TLE1: variants seen among roughly 807,000 people sequenced by gnomAD.
TLE1 encodes the protein TLE family member 1, transcriptional corepressor, also known as transducin-like enhancer protein 1.
TLE1 carries 21 observed loss-of-function variants against 89.8 expected under a neutral mutation model. That is an observed-to-expected ratio of 0.23 (90% confidence interval 0.17 to 0.34). The LOEUF (loss-of-function observed/expected upper bound fraction) is 0.34, where lower values mean the gene tolerates loss of function less well. Among genes scored for constraint, TLE1 ranks in the 10% least tolerant of loss-of-function variants. The pLI is 1.00. For missense variants in TLE1, 795 were observed against 1,031.2 expected, an observed-to-expected ratio of 0.77 and a Z score of 3.14; for synonymous variants, 447 against 407.6, an observed-to-expected ratio of 1.10 and a Z score of -1.16.
At position 81,611,681 on chromosome 9, in the gene TLE1, G is replaced by A. The variant is rs115650017; in HGVS notation, c.1254+88C>T. ...GGCTGGCTGCTCCTGCCCACGCAGC[G>A]CAGAGAGGCCTGGCCCCAAACCTGA... On this transcript the variant is annotated intron_variant, in intron 13 of 19. Transcript: ENST00000376499. The A allele has an allele frequency of 6.4e-4, 820 of 1,285,170 alleles. 3 individuals are homozygous for A. In the African/African-American group the frequency reaches 0.011, roughly 18 times the overall value. 79.6% of individuals were successfully genotyped at this position (1,285,170 alleles called of 1,614,324 possible). A position where few individuals can be genotyped will look rare whatever the true frequency, so the allele number is the denominator to read the frequency against.
At chr9:81,686,361 G>A (rs140452824) in intron 2 of TLE1, among the ~76,000 whole-genome samples, 1 of 152,284 alleles carries the variant, frequency 6.6e-6, no homozygotes, top group African/African-American at 2.4e-5. Context: ...AAAACCTTTG[G>A]TTTTTAAATC....
At chr9:81,587,933 T>C (rs1828819192) in intron 16 of TLE1, 105 bp from the exon 17 acceptor site, 1 of 519,564 alleles carries the variant, frequency 1.9e-6, no homozygotes, top group Non-Finnish European at 2.7e-6. Flanking sequence ...TGTGTGTGTG[T>C]GTGTGTGTGT....
rs1563980745 is a variant in TLE1, at chr9:81,620,437, T to A, written c.711+4A>T. 1 of 1,607,344 alleles carries A rather than the reference T, an allele frequency of 6.2e-7. No individual in the cohort carries two copies. The highest frequency in any genetic ancestry group is 2.2e-5 in the East Asian group (1 of 44,852). On this transcript the variant is annotated splice_donor_region_variant and intron_variant, in intron 9 of 19. Transcript: ENST00000376499. ...ATATTATTTCAAGTCCTTTAATTACTTACATAGTGGCTGGAGTCCTTATCA... is the reference window on the plus strand; with the variant it reads ...ATATTATTTCAAGTCCTTTAATTACATACATAGTGGCTGGAGTCCTTATCA...
At chr9:81,652,106 TAC>T (rs3045544) in intron 6 of TLE1, 106 bp downstream of exon 6, 60,084 of 682,994 alleles carry the variant, frequency 0.088, 18 homozygotes, top group South Asian at 0.1. Flanking sequence ...AACGTTAAGA[TAC>T]ACACACACAC....
At chr9:81,616,841 C>T in intron 9 of TLE1, 142 bp from the exon 10 acceptor site, 2 of 825,726 alleles carry the variant, frequency 2.4e-6, no homozygotes, top group East Asian at 5.2e-5. Flanking sequence ...TATCAGTTTG[C>T]CAGTCCTAGT....
intron 4 of TLE1, among the ~76,000 whole-genome samples, chr9:81,664,842 C>T (rs1290368278): frequency 6.6e-6 from 1 of 152,188 alleles, no homozygotes; most frequent in Admixed American, 6.5e-5. Flanking sequence ...GGCCCACCTG[C>T]GGAGTTCCTG....
chr9:81,592,543 A>G (rs1829693723), intron 15 of TLE1, among the ~76,000 whole-genome samples: 1 of 152,140 alleles, frequency 6.6e-6, no homozygotes, highest in African/African-American at 2.4e-5. Flanking sequence ...CCTTTCCTGA[A>G]GTTAAGGCCA....
chr9:81,610,883 T>G (rs1455482170), intron 13 of TLE1, among the ~76,000 whole-genome samples: 1 of 152,170 alleles, frequency 6.6e-6, no homozygotes, highest in Admixed American at 6.5e-5. Flanking sequence ...CCCTACTTTG[T>G]GCAGCGTTAA....
intron 4 of TLE1, among the ~76,000 whole-genome samples, chr9:81,665,453 T>C (rs1014900557): frequency 2.6e-5 from 4 of 151,848 alleles, no homozygotes; most frequent in African/African-American, 9.7e-5. Flanking sequence ...CCAGATACTA[T>C]CCTTTCACTC....
At chr9:81,678,554 CT>C (rs1235502759) in intron 4 of TLE1, among the ~76,000 whole-genome samples, 21 of 152,262 alleles carry the variant, frequency 1.4e-4, no homozygotes, top group Admixed American at 1.0e-3. Context: ...TGGCTCACGC[CT>C]GTTAATTCCA....
intron 4 of TLE1, among the ~76,000 whole-genome samples, chr9:81,674,970 C>G (rs557519223): frequency 3.3e-4 from 50 of 152,138 alleles, no homozygotes; most frequent in African/African-American, 1.1e-3. Context: ...TCCTGGACAA[C>G]ATAGTGAGAC....
At chr9:81,610,138 C>A in intron 14 of TLE1, 82 bp downstream of exon 14, 1 of 1,261,018 alleles carries the variant, frequency 7.9e-7, no homozygotes, top group South Asian at 1.3e-5. Flanking sequence ...CAAGCCTGTA[C>A]TCCCTTTGGA....
intron 15 of TLE1, among the ~76,000 whole-genome samples, chr9:81,591,980 C>A (rs1829590880): frequency 1.3e-5 from 2 of 152,154 alleles, no homozygotes; most frequent in African/African-American, 4.8e-5. Context: ...GCAGACACCA[C>A]ACCAGGGCAG....
chr9:81,642,931 A>G (rs1051721704), intron 6 of TLE1, among the ~76,000 whole-genome samples: 1 of 152,202 alleles, frequency 6.6e-6, no homozygotes, highest in Non-Finnish European at 1.5e-5. Flanking sequence ...ACTTACGACA[A>G]CATGGGCAGA....
At chr9:81,658,827 A>C (rs891339141) in intron 4 of TLE1, among the ~76,000 whole-genome samples, 1 of 152,214 alleles carries the variant, frequency 6.6e-6, no homozygotes, top group Non-Finnish European at 1.5e-5. Flanking sequence ...CTTCAACAAA[A>C]GGGTATTCTG....
At chr9:81,684,892 G>A (rs967118765) in intron 4 of TLE1, among the ~76,000 whole-genome samples, 2 of 152,184 alleles carry the variant, frequency 1.3e-5, no homozygotes, top group African/African-American at 4.8e-5. Context: ...CCTTTGGGCT[G>A]AGCAATCATT....
At chr9:81,635,041 G>T (rs945654634) in intron 6 of TLE1, among the ~76,000 whole-genome samples, 2 of 152,074 alleles carry the variant, frequency 1.3e-5, no homozygotes, top group African/African-American at 4.8e-5. Flanking sequence ...AGGCTCAAAG[G>T]CACTGACTAA....
At chr9:81,660,137 C>T (rs936023486) in intron 4 of TLE1, among the ~76,000 whole-genome samples, 3 of 152,200 alleles carry the variant, frequency 2.0e-5, no homozygotes, top group East Asian at 3.9e-4. Flanking sequence ...GGAAGCATTA[C>T]GAGAACACGA....
chr9:81,630,912 C>T (rs1248212698), intron 8 of TLE1, among the ~76,000 whole-genome samples: 1 of 152,120 alleles, frequency 6.6e-6, no homozygotes, highest in Non-Finnish European at 1.5e-5. Flanking sequence ...AGTTTAATTC[C>T]TCTCTATGGA....
Sources: allele counts gnomAD v4.1 joint callset (sites outside exome capture counted in the v4.1 genomes callset), GRCh38; gene constraint gnomAD v4.1.1; transcripts MANE v1.5; gene names NCBI Gene and HGNC (gene_info 2026-07-23, HGNC 2026-07-21).